Variants in ASB17 observed in about 807,000 individuals in gnomAD.
ASB17 encodes the protein ankyrin repeat and SOCS box protein 17.
In ASB17, 26 loss-of-function variants were observed where a neutral mutation model predicts 25.7. The ratio of observed to expected loss-of-function variants is 1.01; its 90% CI spans 0.74 to 1.40. The LOEUF is 1.40. ASB17 is among the 40% of genes most tolerant of loss of function. The probability of loss-of-function intolerance (pLI) is 0.00; values close to 1 mark genes in which losing one functional copy is unlikely to be tolerated. For missense variants in ASB17, 326 were observed against 338.5 expected (o/e 0.96, Z 0.29); for synonymous variants, 128 against 121.4 (o/e 1.05, Z -0.36).
At chr1:75,921,833 AAT>A (rs1653035195) in intron 2 of ASB17, among the ~76,000 whole-genome samples, 1 of 152,048 alleles carries the variant, frequency 6.6e-6, no homozygotes, top group Non-Finnish European at 1.5e-5. Flanking sequence ...ATTAGGATAT[AAT>A]ATATATCTAC....
At chr1:75,924,224 T>C (rs1336014638) in intron 1 of ASB17, among the ~76,000 whole-genome samples, 1 of 152,146 alleles carries the variant, frequency 6.6e-6, no homozygotes, top group Non-Finnish European at 1.5e-5. Flanking sequence ...GATAAATGTT[T>C]TATAATAGAT....
chr1:75,932,071 A>G lies in ASB17; in HGVS notation c.221T>C (p.Val74Ala), dbSNP rs1169270429. Residue 74 changes from valine to alanine, a missense_variant, in exon 1 of 3, where the codon GTG becomes GCG. By Grantham distance (64) the Val-to-Ala change is moderately conservative (BLOSUM62 0). Coordinates refer to ENST00000284142, the MANE Select transcript of ASB17 (RefSeq NM_080868.3). ...DALLTDYIAF[V>A]EKSGYRFEVS... ...TTCAAAACGGTATCCTGATTTTTCC[A>G]CAAATGCAATGTAATCTGTGAGTAG... 2 of 1,614,068 alleles carry G rather than the reference A, an allele frequency of 1.2e-6. No homozygotes were observed. Among genetic ancestry groups the G allele is most frequent in the Non-Finnish European group, 1.7e-6 (2 of 1,179,994 alleles).
chr1:75,919,946 C>A (rs752878078), intron 2 of ASB17, among the ~76,000 whole-genome samples: 1 of 152,142 alleles, frequency 6.6e-6, no homozygotes, highest in South Asian at 2.1e-4. Context: ...GATCTAGATC[C>A]GAACAAGTTT....
chr1:75,929,505 C>T (rs1204280594), intron 1 of ASB17, among the ~76,000 whole-genome samples: 1 of 152,088 alleles, frequency 6.6e-6, no homozygotes. Context: ...AGGCGTGAGC[C>T]ATCGTGCCCA....
rs776588382 is a variant in ASB17, at chr1:75,918,924, G to T, written c.*28C>A. On this transcript the variant is annotated 3_prime_UTR_variant, in exon 3 of 3. Coordinates refer to ENST00000284142, the MANE Select transcript of ASB17 (RefSeq NM_080868.3). ...TCTAAGCCATACATTGGTAAGCATT[G>T]TTAAGGAACTTAGGACACTGACGTA... is the stretch of plus-strand genomic sequence containing the variant. 6 of 1,562,840 alleles carry T rather than the reference G, an allele frequency of 3.8e-6. No individual in the cohort carries two copies. The highest frequency in any genetic ancestry group is 5.3e-6 in the Non-Finnish European group (6 of 1,133,832).
chr1:75,922,351 G>A lies in ASB17; in HGVS notation c.410C>T (p.Thr137Ile), dbSNP rs376898779. The A allele has an allele frequency of 1.3e-5, 20 of 1,573,352 alleles. No homozygotes were observed. The highest frequency in any genetic ancestry group is 1.1e-4 in the African/African-American group (8 of 73,580). ...CNLALIWRTF[T>I]PVYCPSPLSG... ...TAATGGGCTTGGACAGTATACTGGTGTGAAAGTTCTGTGAATTAAACAAAA... is the reference window on the plus strand; with the variant it reads ...TAATGGGCTTGGACAGTATACTGGTATGAAAGTTCTGTGAATTAAACAAAA... Residue 137 changes from threonine (T) to isoleucine (I), a missense_variant, in exon 2 of 3, where the codon ACA (threonine) becomes ATA (isoleucine). Thr to Ile is a moderately conservative substitution (Grantham distance 89). Coordinates refer to ENST00000284142, the MANE Select transcript of ASB17 (RefSeq NM_080868.3).
At chr1:75,925,917 G>A (rs1003154594) in intron 1 of ASB17, among the ~76,000 whole-genome samples, 25 of 152,102 alleles carry the variant, frequency 1.6e-4, no homozygotes, top group African/African-American at 5.8e-4. Flanking sequence ...AGTTGGGCTA[G>A]TCTCTCCAAG....
At chr1:75,927,428 CT>C (rs1653201085) in intron 1 of ASB17, among the ~76,000 whole-genome samples, 1 of 152,114 alleles carries the variant, frequency 6.6e-6, no homozygotes, top group African/African-American at 2.4e-5. Flanking sequence ...TCTTGTAATT[CT>C]GTCTAAAAAT....
chr1:75,930,605 T>C (rs1653299093), intron 1 of ASB17, among the ~76,000 whole-genome samples: 1 of 152,028 alleles, frequency 6.6e-6, no homozygotes, highest in Non-Finnish European at 1.5e-5. Context: ...GTAATGGGTT[T>C]TACCTTGTGG....
In ASB17 at chr1:75,923,636, C is replaced by T. The variant is rs142227265; in HGVS notation, c.402-1277G>A. On this transcript the variant is annotated intron_variant, in intron 1 of 2. Transcript: ENST00000284142. ...CAGGACAGCACACAAAGTATAAATA[C>T]TGGTTTTAGGCAACTACTCAGAGCA... is the stretch of plus-strand genomic sequence containing the variant. Among the ~76,000 whole-genome samples, 211 of 152,214 alleles carry T rather than the reference C, an allele frequency of 1.4e-3. 1 individual carries two copies. Among genetic ancestry groups the T allele is most frequent in the African/African-American group, 4.7e-3 (197 of 41,528 alleles).
chr1:75,920,811 T>G (rs1653005639), intron 2 of ASB17, among the ~76,000 whole-genome samples: 1 of 151,542 alleles, frequency 6.6e-6, no homozygotes, highest in African/African-American at 2.4e-5. Context: ...GTCCCGCTCT[T>G]TCGCCCAGGC....
chr1:75,930,546 C>T (rs1357809869), intron 1 of ASB17, among the ~76,000 whole-genome samples: 2 of 151,878 alleles, frequency 1.3e-5, no homozygotes, highest in African/African-American at 4.8e-5. Flanking sequence ...ATATAAAATT[C>T]TATGATTCTG....
chr1:75,919,590 T>C (rs1445592696), intron 2 of ASB17, among the ~76,000 whole-genome samples: 2 of 152,166 alleles, frequency 1.3e-5, no homozygotes, highest in East Asian at 3.8e-4. Flanking sequence ...CCTGTGTCCA[T>C]GTGTTCTCAT....
Position 75,932,102 on chromosome 1 carries a change from C to T in ASB17, c.190G>A (p.Asp64Asn). The T allele has an allele frequency of 6.2e-7, 1 of 1,614,098 alleles. No individual in the cohort carries two copies. Among genetic ancestry groups the T allele is most frequent in the Non-Finnish European group, 8.5e-7 (1 of 1,180,008 alleles). ...ILRYVDLDGFDALLTDYIAFV... is the reference protein window; with the variant it reads ...ILRYVDLDGFNALLTDYIAFV... ...GCAATGTAATCTGTGAGTAGTGCGTCAAAACCATCCAAGTCCACATACCTC... is the reference window on the plus strand; with the variant it reads ...GCAATGTAATCTGTGAGTAGTGCGTTAAAACCATCCAAGTCCACATACCTC... Residue 64 changes from aspartate (D) to asparagine (N), a missense_variant, in exon 1 of 3, where the codon GAC becomes AAC. Asp to Asn is a conservative substitution (Grantham distance 23, BLOSUM62 1). Transcript: ENST00000284142.
At chr1:75,931,543 TATAAAC>T (rs2100617486) in intron 1 of ASB17, among the ~76,000 whole-genome samples, 1 of 152,286 alleles carries the variant, frequency 6.6e-6, no homozygotes, top group East Asian at 1.9e-4. Context: ...AAAGTCAGCT[TATAAAC>T]ATATATAAAT....
In ASB17 at chr1:75,919,148, C is replaced by T. The variant is rs1652961657; in HGVS notation, c.692G>A (p.Ser231Asn). 4 of 1,610,766 alleles carry T rather than the reference C, an allele frequency of 2.5e-6. No individual in the cohort carries two copies. The South Asian group carries it at 3.3e-5, about 13-fold the overall frequency. Residue 231 changes from serine (S) to asparagine (N), a missense_variant, in exon 3 of 3, where the codon AGT becomes AAT. Coordinates refer to ENST00000284142, the MANE Select transcript of ASB17 (RefSeq NM_080868.3). ...TGAAATAATTGGATGTCTTCCTAAA[C>T]TCAGCTGTGTCTGAAGAAAAGCAAA... is the stretch of plus-strand genomic sequence containing the variant. ...ISVKEIKTQL[S>N]LGRHPIISNW...
In ASB17 at chr1:75,931,914, A is replaced by G. The variant is rs533619388; in HGVS notation, c.378T>C (p.Ser126=). ...KKTKDYVQDR[S]CNLALIWRTF... is the part of the protein sequence containing the mutation. ...ACCTCCATATCAGTGCCAGGTTACA[A>G]CTTCTGTCTTGAACATAGTCTTTTG... The change falls in exon 1 of 3, where the codon AGT becomes AGC. Residue 126 remains serine, a synonymous_variant. Coordinates refer to ENST00000284142, the MANE Select transcript of ASB17 (RefSeq NM_080868.3). 1.0e-4 allele frequency: 168 copies of G among 1,604,168 alleles called. No individual in the cohort carries two copies. In the South Asian group the frequency reaches 1.7e-3, roughly 17 times the overall value.
At chr1:75,924,237 GC>G (rs1389298087) in intron 1 of ASB17, among the ~76,000 whole-genome samples, 1 of 152,090 alleles carries the variant, frequency 6.6e-6, no homozygotes, top group Non-Finnish European at 1.5e-5. Flanking sequence ...TAATAGATGA[GC>G]TTTTTTCAAA....
chr1:75,922,584 C>A (rs1653063864), intron 1 of ASB17, among the ~76,000 whole-genome samples: 1 of 139,164 alleles, frequency 7.2e-6, no homozygotes, highest in Non-Finnish European at 1.5e-5. Context: ...GCGACCTCTG[C>A]CTCCTGGGTT....
Sources: gnomAD v4.1 joint callset for allele counts (sites outside exome capture counted in the v4.1 genomes callset) on GRCh38, gnomAD v4.1.1 for gene constraint, MANE v1.5 for transcripts, NCBI Gene and HGNC (gene_info 2026-07-23, HGNC 2026-07-21) for gene names.